DMP1: variants seen among roughly 807,000 people sequenced by gnomAD.
DMP1 encodes the protein dentin matrix protein 1.
Under a neutral mutation model 14.6 loss-of-function variants are expected in DMP1, and 20 were observed. The observed-to-expected ratio is 1.37, with a 90% CI of 0.96 to 1.99. The LOEUF (loss-of-function observed/expected upper bound fraction) is 1.99, where lower values mean the gene tolerates loss of function less well. Among genes scored for constraint, DMP1 ranks in the 30% most tolerant of loss-of-function variants. DMP1 has a pLI of 0.00. For synonymous variants in DMP1, 197 were observed against 215.3 expected, an observed-to-expected ratio of 0.91 and a Z score of 0.75; for missense variants, 567 against 620.5, an observed-to-expected ratio of 0.91 and a Z score of 0.92.
intron 1 of DMP1, among the ~76,000 whole-genome samples, chr4:87,653,424 T>C (rs929600581): frequency 8.3e-6 from 1 of 119,852 alleles, no homozygotes; most frequent in African/African-American, 3.3e-5. Context: ...TATATATATA[T>C]ATATATATAC....
chr4:87,657,087 G>A lies in DMP1; in HGVS notation c.102+8G>A. The A allele has an allele frequency of 6.8e-7, 1 of 1,475,130 alleles. No individual in the cohort carries two copies. Among genetic ancestry groups the A allele is most frequent in the Non-Finnish European group, 9.5e-7 (1 of 1,056,302 alleles). 91.4% of individuals were successfully genotyped at this position (1,475,130 alleles called of 1,614,324 possible). Reference sequence around the variant, plus strand: ...GATTCTGAAGAATGGAAGGTGAGTAGAAATATGACTTTTTGAAATATTTTA... The same window carrying A: ...GATTCTGAAGAATGGAAGGTGAGTAAAAATATGACTTTTTGAAATATTTTA... On this transcript the variant is annotated splice_region_variant and intron_variant, in intron 3 of 5. Transcript: ENST00000339673.
chr4:87,657,155 A>G, intron 3 of DMP1, 76 bp downstream of exon 3: 1 of 867,932 alleles, frequency 1.2e-6, no homozygotes, highest in East Asian at 2.6e-5. Flanking sequence ...TTTCATTGCA[A>G]ATATTGAAAC....
Position 87,662,351 on chromosome 4 carries a change from G to A in DMP1, c.573G>A (p.Glu191=), listed in dbSNP as rs1460566950. 3 of 1,614,002 alleles carry A rather than the reference G, an allele frequency of 1.9e-6. No homozygotes were observed. The highest frequency in any genetic ancestry group is 2.5e-6 in the Non-Finnish European group (3 of 1,180,030). Residue 191 remains glutamate (E), a synonymous_variant, in exon 6 of 6, where the codon GAG becomes GAA. Transcript: ENST00000339673. The part of the protein sequence containing the change: ...GDSTQESESE[E]HWVGGGSDGE... ...CCACTCAAGAGAGTGAGAGTGAAGA[G>A]CACTGGGTGGGAGGTGGCAGTGATG... is the stretch of plus-strand genomic sequence containing the variant.
At chr4:87,660,920 G>A (rs577557458) in intron 5 of DMP1, 3 of 152,280 alleles carry the variant, frequency 2.0e-5, no homozygotes, top group Non-Finnish European at 4.4e-5. Context: ...AAAAAAAATT[G>A]GGGTCATTTT....
At chr4:87,650,831 A>C (rs1728516122) in intron 1 of DMP1, among the ~76,000 whole-genome samples, 1 of 152,186 alleles carries the variant, frequency 6.6e-6, no homozygotes, top group Non-Finnish European at 1.5e-5. Flanking sequence ...TTTAAATTAA[A>C]ATGTTATTCA....
At position 87,658,275 on chromosome 4, in the gene DMP1, CAT is replaced by C. The variant is rs1260646104; in HGVS notation, c.103-944_103-943del. On this transcript the variant is annotated intron_variant, in intron 3 of 5. Coordinates refer to ENST00000339673, the MANE Select transcript of DMP1 (RefSeq NM_004407.4). ...GCACCTCTGAAACGCACGTTGAAGA[CAT>C]GTCAATAGCAGCTCCTCCCTGCTCT... is the stretch of plus-strand genomic sequence containing the variant. Among the ~76,000 whole-genome samples the C allele has an allele frequency of 2.6e-5, 4 of 152,346 alleles. No individual in the cohort carries two copies. In the South Asian group the frequency reaches 8.3e-4, roughly 32 times the overall value.
At chr4:87,652,435 T>C (rs554048910) in intron 1 of DMP1, among the ~76,000 whole-genome samples, 64 of 152,320 alleles carry the variant, frequency 4.2e-4, no homozygotes, top group Non-Finnish European at 7.5e-4. Flanking sequence ...GATCTGATTT[T>C]CTTTAATGCT....
rs766601503 is a variant in DMP1, at chr4:87,657,075, G to A, written c.98G>A (p.Trp33Ter). ...AATGAATCTGAGGATTCTGAAGAAT[G>A]GAAGGTGAGTAGAAATATGACTTTT... ...QNNESEDSEE[W>*]KGHLAQAPTP... is the part of the protein sequence containing the mutation. Residue 33 changes from tryptophan (W) to a stop codon, truncating the protein, a stop_gained, in exon 3 of 6, where the codon TGG becomes TAG. Coordinates refer to ENST00000339673, the MANE Select transcript of DMP1 (RefSeq NM_004407.4). LOFTEE classifies it high-confidence loss of function. 1.2e-5 allele frequency: 19 copies of A among 1,532,630 alleles called. No individual in the cohort carries two copies. The highest frequency in any genetic ancestry group is 2.3e-5 in the East Asian group (1 of 44,436). The allele number at this position is 1,532,630 out of a possible 1,614,324, so 94.9% of individuals were successfully genotyped here. A position where few individuals can be genotyped will look rare whatever the true frequency, so the allele number is the denominator to read the frequency against.
chr4:87,659,130 A>C, intron 3 of DMP1, 90 bp from the exon 4 acceptor site: 1 of 1,373,838 alleles, frequency 7.3e-7, no homozygotes, highest in Non-Finnish European at 1.0e-6. Context: ...AGAAACTAAA[A>C]ATAATAACCT....
intron 1 of DMP1, among the ~76,000 whole-genome samples, chr4:87,655,503 T>C (rs1462371): frequency 0.78 from 118,677 of 152,052 alleles, 46,872 homozygotes; most frequent in East Asian, 0.89. Flanking sequence ...TTAGCATAAT[T>C]ATGTATAATG....
intron 4 of DMP1, 34 bp downstream of exon 4, chr4:87,659,286 T>C: frequency 1.2e-6 from 2 of 1,612,612 alleles, no homozygotes; most frequent in Middle Eastern, 1.7e-4. Context: ...CATAAACATC[T>C]CATGAAGTAA....
At chr4:87,653,947 T>C (rs1355993995) in intron 1 of DMP1, among the ~76,000 whole-genome samples, 2 of 152,172 alleles carry the variant, frequency 1.3e-5, no homozygotes, top group Non-Finnish European at 2.9e-5. Flanking sequence ...CAGGAGAAAC[T>C]GTCCATCTTT....
At chr4:87,652,124 C>T (rs143781273) in intron 1 of DMP1, among the ~76,000 whole-genome samples, 1 of 152,126 alleles carries the variant, frequency 6.6e-6, no homozygotes, top group Non-Finnish European at 1.5e-5. Flanking sequence ...GGATGGAACT[C>T]AAGTTGTTTA....
At chr4:87,653,064 T>A (rs541977282) in intron 1 of DMP1, among the ~76,000 whole-genome samples, 24 of 152,176 alleles carry the variant, frequency 1.6e-4, no homozygotes, top group Middle Eastern at 3.4e-3. Flanking sequence ...TTTTCATATG[T>A]TTTTCTCTGT....
intron 5 of DMP1, among the ~76,000 whole-genome samples, chr4:87,661,652 T>TTC (rs974953198): frequency 6.6e-6 from 1 of 150,962 alleles, no homozygotes; most frequent in Non-Finnish European, 1.5e-5. Flanking sequence ...CAAGAGTTTT[T>TTC]TTTTTTTTTT....
At position 87,659,476 on chromosome 4, in the gene DMP1, C is replaced by T. The variant is rs1187192378; in HGVS notation, c.181C>T (p.Gln61Ter). 1.9e-6 allele frequency: 3 copies of T among 1,613,700 alleles called. No homozygotes were observed. The highest frequency in any genetic ancestry group is 2.5e-6 in the Non-Finnish European group (3 of 1,179,708). ...AGGCAGTAAAGTTAGCTCAGAGGAA[C>T]AGGTAATTAAACAGACCTTTCTTAA... ...SEGSKVSSEE[Q>*]ANEDPSDSTQ... is the part of the protein sequence containing the mutation. The change falls in exon 5 of 6, where the codon CAG becomes TAG. Residue 61 changes from glutamine (Q) to a stop codon, truncating the protein, a stop_gained and splice_region_variant. Transcript: ENST00000339673. LOFTEE classifies it low-confidence loss of function (END_TRUNC).
At chr4:87,659,149 TG>T (rs1235645621) in intron 3 of DMP1, 70 bp from the exon 4 acceptor site, 6 of 1,470,642 alleles carry the variant, frequency 4.1e-6, no homozygotes, top group Non-Finnish European at 5.7e-6. Flanking sequence ...CTAAAATTAT[TG>T]TAAATAATTA....
At chr4:87,659,149 T>C in intron 3 of DMP1, 71 bp from the exon 4 acceptor site, 3 of 1,470,760 alleles carry the variant, frequency 2.0e-6, no homozygotes, top group Non-Finnish European at 2.8e-6. Flanking sequence ...CTAAAATTAT[T>C]GTAAATAATT....
At chr4:87,661,827 T>C in intron 5 of DMP1, 135 bp from the exon 6 acceptor site, 1 of 1,507,130 alleles carries the variant, frequency 6.6e-7, no homozygotes. Context: ...GAGAGGTTAT[T>C]GAGTAGTAAA....
Sources: gnomAD v4.1 joint callset for allele counts (sites outside exome capture counted in the v4.1 genomes callset) on GRCh38, gnomAD v4.1.1 for gene constraint, MANE v1.5 for transcripts, NCBI Gene and HGNC (gene_info 2026-07-23, HGNC 2026-07-21) for gene names.